RWDD3: variants seen among roughly 807,000 people sequenced by gnomAD.
RWDD3 encodes the protein RWD domain-containing protein 3.
Under a neutral mutation model 26.5 loss-of-function variants are expected in RWDD3, and 30 were observed. The observed-to-expected ratio is 1.13, with a 90% CI of 0.85 to 1.54. The LOEUF is 1.54. RWDD3 is among the 40% of genes most tolerant of loss of function. RWDD3 has a pLI of 0.00. For missense variants in RWDD3, 296 were observed against 309.1 expected (o/e 0.96, Z 0.32); for synonymous variants, 113 against 114.5 (o/e 0.99, Z 0.09).
At chr1:95,241,529 A>C (rs1680620272) in intron 1 of RWDD3, among the ~76,000 whole-genome samples, 2 of 152,170 alleles carry the variant, frequency 1.3e-5, no homozygotes. Context: ...TTAGGAAACA[A>C]ATCTGCCCCC....
intron 1 of RWDD3, among the ~76,000 whole-genome samples, chr1:95,242,830 A>G (rs1187001049): frequency 2.0e-5 from 3 of 152,030 alleles, no homozygotes; most frequent in East Asian, 1.9e-4. Context: ...GAGGCAGGAG[A>G]ATTGCTTGAA....
At chr1:95,245,690 A>G (rs1277386917) in intron 2 of RWDD3, among the ~76,000 whole-genome samples, 1 of 152,196 alleles carries the variant, frequency 6.6e-6, no homozygotes, top group Non-Finnish European at 1.5e-5. Context: ...AGTGATTTGT[A>G]GTATATCTAT....
At position 95,244,259 on chromosome 1, in the gene RWDD3, T is replaced by C; in HGVS notation, c.134T>C (p.Met45Thr). 1.2e-6 allele frequency: 2 copies of C among 1,614,256 alleles called. No homozygotes were observed. The highest frequency in any genetic ancestry group is 1.7e-6 in the Non-Finnish European group (2 of 1,180,048). Residue 45 changes from methionine to threonine, a missense_variant, in exon 2 of 4, where the codon ATG becomes ACG. Physicochemically the swap from Met to Thr is moderately conservative, Grantham distance 81 (BLOSUM62 -1). Transcript: ENST00000370202. The stretch of plus-strand genomic sequence containing the variant: ...ATTCACACAAAAGCTGAAGGATTTA[T>C]GGATGTGGATATACCTCTGGAATTG... ...FRIHTKAEGFMDVDIPLELVF... is the reference protein window; with the variant it reads ...FRIHTKAEGFTDVDIPLELVF...
rs1680526982 is a variant in RWDD3, at chr1:95,239,767, T to C, written c.86-4444T>C. ...GAGTTTCACCCATTGCTATTCTGTT[T>C]GCTGACTAGGACCAGAAAATAACAC... On this transcript the variant is annotated intron_variant, in intron 1 of 3. Coordinates refer to ENST00000370202, the MANE Select transcript of RWDD3 (RefSeq NM_015485.5). The C allele has an allele frequency of 8.7e-6, 11 of 1,270,952 alleles. No homozygotes were observed. In the South Asian group the frequency reaches 1.4e-4, roughly 16 times the overall value. The allele number at this position is 1,270,952 out of a possible 1,614,324, so 78.7% of individuals were successfully genotyped here. A position where few individuals can be genotyped will look rare whatever the true frequency, so the allele number is the denominator to read the frequency against.
chr1:95,241,655 C>T (rs917443275), intron 1 of RWDD3, among the ~76,000 whole-genome samples: 1 of 152,208 alleles, frequency 6.6e-6, no homozygotes, highest in Non-Finnish European at 1.5e-5. Flanking sequence ...TTGTGGGCAT[C>T]CGACCCGCAG....
chr1:95,242,538 C>G (rs184833306), intron 1 of RWDD3, among the ~76,000 whole-genome samples: 18 of 152,324 alleles, frequency 1.2e-4, no homozygotes, highest in Admixed American at 7.8e-4. Context: ...GTCTGCAGTT[C>G]TATTTGTAAT....
Position 95,244,558 on chromosome 1 carries a change from C to A in RWDD3, c.433C>A (p.His145Asn), listed in dbSNP as rs1351393747. 1.2e-6 allele frequency: 2 copies of A among 1,614,032 alleles called. No homozygotes were observed. Among genetic ancestry groups the A allele is most frequent in the African/African-American group, 2.7e-5 (2 of 74,926 alleles). ...TGATGGATTGTGGATAACTCTTTTG[C>A]ATTTAGATCACATGAGAGCAAAGAC... ...MDDGLWITLL[H>N]LDHMRAKTKY... The change falls in exon 2 of 4, where the codon CAT becomes AAT. Residue 145 changes from histidine (H) to asparagine (N), a missense_variant. Physicochemically the swap from His to Asn is moderately conservative, Grantham distance 68. Coordinates refer to ENST00000370202, the MANE Select transcript of RWDD3 (RefSeq NM_015485.5).
At chr1:95,235,609 C>G (rs377207758) in intron 1 of RWDD3, among the ~76,000 whole-genome samples, 1 of 151,962 alleles carries the variant, frequency 6.6e-6, no homozygotes, top group Admixed American at 6.5e-5. Flanking sequence ...CCGCGCGTCT[C>G]GGCCTCCCAA....
At chr1:95,234,992 C>CT (rs1210350964) in intron 1 of RWDD3, among the ~76,000 whole-genome samples, 2 of 151,818 alleles carry the variant, frequency 1.3e-5, no homozygotes, top group African/African-American at 2.4e-5. Flanking sequence ...TCCCGAGTAG[C>CT]TGGGATCACA....
chr1:95,240,064 C>A (rs1042401175), intron 1 of RWDD3, among the ~76,000 whole-genome samples: 1 of 152,122 alleles, frequency 6.6e-6, no homozygotes, highest in African/African-American at 2.4e-5. Flanking sequence ...TTATAGGGAC[C>A]CTTGTGATTA....
Position 95,246,577 on chromosome 1 carries a change from T to C in RWDD3, c.609T>C (p.Asp203=). Residue 203 remains aspartate, a synonymous_variant, in exon 3 of 4, where the codon GAT becomes GAC. Coordinates refer to ENST00000370202, the MANE Select transcript of RWDD3 (RefSeq NM_015485.5). ...YLILQKTSKV[D]VDSSGKKCKE... is the part of the protein sequence containing the mutation. Reference sequence around the variant, plus strand: ...TTCTTCAGAAAACCTCCAAAGTAGATGTGGACTCAAGTGGAAAGAAATGCA... The same window carrying C: ...TTCTTCAGAAAACCTCCAAAGTAGACGTGGACTCAAGTGGAAAGAAATGCA... 6.2e-7 allele frequency: 1 copy of C among 1,612,196 alleles called. No homozygotes were observed. Among genetic ancestry groups the C allele is most frequent in the South Asian group, 1.1e-5 (1 of 90,982 alleles).
intron 1 of RWDD3, among the ~76,000 whole-genome samples, chr1:95,239,586 T>C (rs1243063597): frequency 1.3e-5 from 2 of 152,198 alleles, no homozygotes; most frequent in African/African-American, 4.8e-5. Flanking sequence ...TATAATCTTA[T>C]TTTGCAGCTA....
chr1:95,238,462 T>C (rs917912492), intron 1 of RWDD3, among the ~76,000 whole-genome samples: 1 of 151,754 alleles, frequency 6.6e-6, no homozygotes, highest in Non-Finnish European at 1.5e-5. Flanking sequence ...TATGTAAAAA[T>C]CCAACTGAAG....
At chr1:95,240,734 G>C (rs3767314) in intron 1 of RWDD3, among the ~76,000 whole-genome samples, 46,063 of 151,790 alleles carry the variant, frequency 0.3, 7,292 homozygotes, top group East Asian at 0.45. Context: ...AGGCGGCGAG[G>C]AGACCACTAT....
chr1:95,242,990 G>A (rs1325562104), intron 1 of RWDD3, among the ~76,000 whole-genome samples: 2 of 152,072 alleles, frequency 1.3e-5, no homozygotes, highest in Non-Finnish European at 2.9e-5. Context: ...TTGGAGGAAT[G>A]TACAAAGTTA....
At position 95,244,480 on chromosome 1, in the gene RWDD3, G is replaced by A; in HGVS notation, c.355G>A (p.Glu119Lys). 1 of 1,614,196 alleles carries A rather than the reference G, an allele frequency of 6.2e-7. No individual in the cohort carries two copies. Among genetic ancestry groups the A allele is most frequent in the Non-Finnish European group, 8.5e-7 (1 of 1,180,030 alleles). ...QNLRHILSQP[E>K]TGSGSEKCTF... ...TCTCAGGCATATCCTCAGCCAACCA[G>A]AAACTGGCAGTGGCAGTGAAAAGTG... The change falls in exon 2 of 4, where the codon GAA (glutamate) becomes AAA (lysine). Residue 119 changes from glutamate (E) to lysine (K), a missense_variant. Physicochemically the swap from Glu to Lys is moderately conservative, Grantham distance 56. Coordinates refer to ENST00000370202, the MANE Select transcript of RWDD3 (RefSeq NM_015485.5).
chr1:95,244,996 G>A (rs1407670683), intron 2 of RWDD3: 1 of 289,116 alleles, frequency 3.5e-6, no homozygotes, highest in Non-Finnish European at 6.4e-6. Context: ...AATTAGCTAT[G>A]AGCTTGAATT....
chr1:95,245,458 T>C (rs1015736635), intron 2 of RWDD3, among the ~76,000 whole-genome samples: 1 of 152,226 alleles, frequency 6.6e-6, no homozygotes, highest in Non-Finnish European at 1.5e-5. Context: ...TACATTTGAA[T>C]TTATTTAAGA....
intron 1 of RWDD3, among the ~76,000 whole-genome samples, chr1:95,236,837 G>A: frequency 6.6e-6 from 1 of 152,158 alleles, no homozygotes; most frequent in East Asian, 1.9e-4. Context: ...ACTGGTAATG[G>A]TCTGGGTCAT....
Sources: gnomAD v4.1 joint callset for allele counts (sites outside exome capture counted in the v4.1 genomes callset) on GRCh38, gnomAD v4.1.1 for gene constraint, MANE v1.5 for transcripts, NCBI Gene and HGNC (gene_info 2026-07-23, HGNC 2026-07-21) for gene names.